Variants in FMO5 observed in about 807,000 individuals in gnomAD.
FMO5 encodes flavin-containing monooxygenase 5.
A neutral mutation model predicts 43.6 loss-of-function variants in FMO5; 51 were observed. The ratio of observed to expected loss-of-function variants is 1.17; its 90% CI spans 0.93 to 1.48. The LOEUF is 1.48. Ranked by LOEUF, FMO5 falls within the 40% of genes most tolerant of loss-of-function variation. FMO5 has a pLI of 0.00. For missense variants in FMO5, 644 were observed against 643.0 expected, an observed-to-expected ratio of 1.00 and a Z score of -0.02; for synonymous variants, 187 against 216.5, an observed-to-expected ratio of 0.86 and a Z score of 1.20.
At position 147,225,297 on chromosome 1, in the gene FMO5, G is replaced by A; in HGVS notation, c.-48C>T. 1.4e-6 allele frequency: 1 copy of A among 719,130 alleles called. No individual in the cohort carries two copies. The highest frequency in any genetic ancestry group is 2.1e-5 in the South Asian group (1 of 46,944). The allele number at this position is 719,130 out of a possible 1,614,324, so 44.5% of individuals were successfully genotyped here. ...GGTACCGGATCTCACCGCCTTTCCT[G>A]AAGCGCTCAACAGATCCTTCAGCTG... On this transcript the variant is annotated 5_prime_UTR_variant, in exon 1 of 9. Coordinates refer to ENST00000254090, the MANE Select transcript of FMO5 (RefSeq NM_001461.4).
chr1:147,186,781 GA>G lies in FMO5; in HGVS notation c.*118del. ...AAAAGGAAAGTGAATTAATGCTTTCGAAAGAGACATTAAAGTAGATTTCTGG... is the reference window on the plus strand; with the variant it reads ...AAAAGGAAAGTGAATTAATGCTTTCGAAGAGACATTAAAGTAGATTTCTGG... On this transcript the variant is annotated 3_prime_UTR_variant, in exon 9 of 9. Coordinates refer to ENST00000254090, the MANE Select transcript of FMO5 (RefSeq NM_001461.4). 2 of 1,482,888 alleles carry G rather than the reference GA, an allele frequency of 1.3e-6. No individual in the cohort carries two copies. Among genetic ancestry groups the G allele is most frequent in the Non-Finnish European group, 8.9e-7 (1 of 1,123,486 alleles). 91.9% of individuals were successfully genotyped at this position (1,482,888 alleles called of 1,614,324 possible). A position where few individuals can be genotyped will look rare whatever the true frequency, so the allele number is the denominator to read the frequency against.
intron 2 of FMO5, chr1:147,223,964 G>A: frequency 2.5e-6 from 1 of 394,536 alleles, no homozygotes. Context: ...CGTCTTTCCA[G>A]CAGGGGTTAA....
At chr1:147,195,127 C>T (rs1180288548) in intron 7 of FMO5, among the ~76,000 whole-genome samples, 6 of 152,048 alleles carry the variant, frequency 3.9e-5, no homozygotes, top group East Asian at 1.9e-4. Context: ...CCATTCTCCC[C>T]GTCACTTTCA....
chr1:147,212,660 G>T, intron 4 of FMO5, 125 bp from the exon 5 acceptor site: 2 of 887,304 alleles, frequency 2.3e-6, no homozygotes, highest in Non-Finnish European at 3.4e-6. Flanking sequence ...TCTTTACTCA[G>T]CTACTTTCTT....
chr1:147,215,645 A>C, intron 3 of FMO5, 109 bp downstream of exon 3: 1 of 750,160 alleles, frequency 1.3e-6, no homozygotes, highest in Non-Finnish European at 2.2e-6. Context: ...GGATAAATAC[A>C]TGTGCAAATC....
chr1:147,184,570 G>C (rs1655458742), downstream of FMO5: 1 of 1,549,206 alleles, frequency 6.5e-7, no homozygotes, highest in Non-Finnish European at 8.7e-7. This position sits in a 1 kb window ranked among gnomAD's most constrained non-coding sequence, Gnocchi z 4.4. Context: ...TTTTGAGGTA[G>C]TCAGGTATTT....
Position 147,224,970 on chromosome 1 carries a change from CT to C in FMO5, c.59del (p.Lys20SerfsTer4). ...GGGVSGLSSI[K>X]CCVEEGLEPV... ...GTTCCAAGCCTTCTTCTACGCAGCACTTGATGGAAGAGAGCCCGCTCACTCC... is the reference window on the plus strand; with the variant it reads ...GTTCCAAGCCTTCTTCTACGCAGCACTGATGGAAGAGAGCCCGCTCACTCC... On this transcript the variant is annotated frameshift_variant, in exon 2 of 9. Transcript: ENST00000254090. LOFTEE classifies it high-confidence loss of function. The C allele has an allele frequency of 6.2e-7, 1 of 1,614,108 alleles. No homozygotes were observed. Among genetic ancestry groups the C allele is most frequent in the Non-Finnish European group, 8.5e-7 (1 of 1,180,038 alleles).
Position 147,201,401 on chromosome 1 carries a change from C to T in FMO5, c.934G>A (p.Ala312Thr). Reference sequence around the variant, plus strand: ...TCCCTGGAGCCATCCTCAAATATGGCAGCTGTCTCCGTGAATTCCTTCACA... The same window carrying T: ...TCCCTGGAGCCATCCTCAAATATGGTAGCTGTCTCCGTGAATTCCTTCACA... ...GNVKEFTETA[A>T]IFEDGSREDD... The change falls in exon 7 of 9, where the codon GCC becomes ACC. Residue 312 changes from alanine (A) to threonine (T), a missense_variant. Transcript: ENST00000254090. 6.2e-7 allele frequency: 1 copy of T among 1,614,138 alleles called. No homozygotes were observed. The highest frequency in any genetic ancestry group is 8.5e-7 in the Non-Finnish European group (1 of 1,179,964).
chr1:147,209,380 G>C (rs1442777897), intron 5 of FMO5, among the ~76,000 whole-genome samples: 1 of 144,922 alleles, frequency 6.9e-6, no homozygotes, highest in Non-Finnish European at 1.5e-5. Flanking sequence ...GGAGCTTGCA[G>C]TGAGCCAAGA....
At chr1:147,215,999 T>C in intron 2 of FMO5, 57 bp from the exon 3 acceptor site, 5 of 1,337,884 alleles carry the variant, frequency 3.7e-6, no homozygotes, top group Non-Finnish European at 5.2e-6. Flanking sequence ...TGTTTTATAA[T>C]AGCCAATAGA....
chr1:147,203,976 C>T (rs1297148847), intron 6 of FMO5: 5 of 1,214,540 alleles, frequency 4.1e-6, no homozygotes, highest in Non-Finnish European at 4.9e-6. Flanking sequence ...CTTCGGACAT[C>T]CCATTTTGAG....
chr1:147,216,126 T>G (rs1305367108), intron 2 of FMO5, among the ~76,000 whole-genome samples, 184 bp from the exon 3 acceptor site: 1 of 152,214 alleles, frequency 6.6e-6, no homozygotes, highest in Non-Finnish European at 1.5e-5. Flanking sequence ...GACTTGCTTT[T>G]GACCAACAGC....
In FMO5 at chr1:147,201,239, G is replaced by A. The variant is rs1553920831; in HGVS notation, c.1096C>T (p.Leu366Phe). Residue 366 changes from leucine to phenylalanine, a missense_variant, in exon 7 of 9, where the codon CTT becomes TTT. By Grantham distance (22) the Leu-to-Phe change is conservative (BLOSUM62 0). Transcript: ENST00000254090. ...VFPPNLERPT[L>F]AIIGLIQPLG... is the part of the protein sequence containing the mutation. ...GGCTGAATCAAGCCTATGATTGCAA[G>A]AGTTGGCCTTTCCAGGTTAGGAGGG... 6.2e-7 allele frequency: 1 copy of A among 1,614,204 alleles called. No individual in the cohort carries two copies. The highest frequency in any genetic ancestry group is 1.7e-5 in the Admixed American group (1 of 60,024).
chr1:147,214,246 G>C (rs1661560996), intron 3 of FMO5, among the ~76,000 whole-genome samples: 1 of 152,054 alleles, frequency 6.6e-6, no homozygotes, highest in African/African-American at 2.4e-5. Context: ...GAGGTCAGGA[G>C]TTCAAAACTC....
chr1:147,207,614 T>A (rs1660327789), intron 6 of FMO5, among the ~76,000 whole-genome samples: 1 of 152,230 alleles, frequency 6.6e-6, no homozygotes, highest in South Asian at 2.1e-4. Flanking sequence ...ACTTAGTTTC[T>A]CTACATCTCA....
chr1:147,222,935 G>A (rs1258192912), intron 2 of FMO5, among the ~76,000 whole-genome samples: 1 of 152,216 alleles, frequency 6.6e-6, no homozygotes, highest in East Asian at 1.9e-4. Context: ...GACACCACAT[G>A]TGTGAGTCCC....
At chr1:147,215,430 C>A in intron 3 of FMO5, 1 of 227,018 alleles carries the variant, frequency 4.4e-6, no homozygotes, top group Non-Finnish European at 8.6e-6. Flanking sequence ...TTTTAAAGTT[C>A]CCATACCTAT....
downstream of FMO5, among the ~76,000 whole-genome samples, chr1:147,184,870 A>G (rs1655483278): frequency 6.6e-6 from 1 of 152,154 alleles, no homozygotes; most frequent in African/African-American, 2.4e-5. This position sits in a 1 kb window ranked among gnomAD's most constrained non-coding sequence, Gnocchi z 4.4. Context: ...GTTCTGCTCC[A>G]TATCCTTGAG....
chr1:147,218,696 T>C (rs1213792427), intron 2 of FMO5, among the ~76,000 whole-genome samples: 2 of 152,252 alleles, frequency 1.3e-5, no homozygotes, highest in East Asian at 3.8e-4. Flanking sequence ...GCCCGGTTTA[T>C]CTTTTAATCT....
Sources: allele counts gnomAD v4.1 joint callset (sites outside exome capture counted in the v4.1 genomes callset), GRCh38; gene constraint gnomAD v4.1.1; non-coding constraint Gnocchi (gnomAD v3.1); transcripts MANE v1.5; gene names NCBI Gene and HGNC (gene_info 2026-07-23, HGNC 2026-07-21).